BBOX1: variants seen among roughly 807,000 people sequenced by gnomAD.
The protein encoded by BBOX1 is gamma-butyrobetaine dioxygenase.
In BBOX1, 35 loss-of-function variants were observed where a neutral mutation model predicts 41.6. That is an observed-to-expected ratio of 0.84 (90% CI 0.64 to 1.11). The LOEUF is 1.11. Among genes scored for constraint, BBOX1 ranks in the 50% most tolerant of loss-of-function variants. The pLI, the probability that BBOX1 is intolerant of heterozygous loss-of-function variation, is 0.00. For missense variants in BBOX1, 458 were observed against 460.6 expected (o/e 0.99, Z 0.05); for synonymous variants, 163 against 154.7 (o/e 1.05, Z -0.40).
At chr11:27,050,647 T>C (rs1851642958) in intron 2 of BBOX1, among the ~76,000 whole-genome samples, 4 of 151,996 alleles carry the variant, frequency 2.6e-5, no homozygotes, top group Non-Finnish European at 4.4e-5. Context: ...AGAATGTTAG[T>C]TGTTATTATA....
intron 8 of BBOX1, among the ~76,000 whole-genome samples, chr11:27,126,470 T>G (rs981284829): frequency 6.6e-6 from 1 of 152,112 alleles, no homozygotes; most frequent in Admixed American, 6.5e-5. Flanking sequence ...TTAATGGCAG[T>G]GTAGTTTTGG....
At chr11:27,097,482 C>G (rs928931217) in intron 5 of BBOX1, among the ~76,000 whole-genome samples, 2 of 152,008 alleles carry the variant, frequency 1.3e-5, no homozygotes, top group African/African-American at 4.8e-5. Context: ...ACTAATAATA[C>G]GTGCATGGCA....
intron 2 of BBOX1, among the ~76,000 whole-genome samples, chr11:27,044,619 A>T (rs538601757): frequency 6.2e-4 from 95 of 152,298 alleles, no homozygotes; most frequent in Admixed American, 3.9e-4. Flanking sequence ...GATAAGGTGT[A>T]AGGAATGGAT....
At chr11:27,087,015 T>C (rs1043948517) in intron 4 of BBOX1, among the ~76,000 whole-genome samples, 1 of 152,038 alleles carries the variant, frequency 6.6e-6, no homozygotes, top group African/African-American at 2.4e-5. Context: ...ATAATAAAAC[T>C]TGAATGAATG....
chr11:27,099,802 C>T (rs1005081037), intron 5 of BBOX1, among the ~76,000 whole-genome samples: 1 of 152,068 alleles, frequency 6.6e-6, no homozygotes, highest in African/African-American at 2.4e-5. Flanking sequence ...GTTTTAATAC[C>T]TGCTATGTCC....
chr11:27,044,787 GTCTA>G (rs373052489), intron 2 of BBOX1, among the ~76,000 whole-genome samples: 7,633 of 151,930 alleles, frequency 0.05, 263 homozygotes, highest in Middle Eastern at 0.13. Context: ...TGTTCCATTG[GTCTA>G]TCTGTTTTTG....
chr11:27,060,133 G>C (rs1010372366), intron 4 of BBOX1, among the ~76,000 whole-genome samples: 2 of 152,122 alleles, frequency 1.3e-5, no homozygotes, highest in African/African-American at 4.8e-5. Context: ...TGTTGGAGGT[G>C]GGGCCTCGTG....
chr11:27,103,074 C>A (rs566600347), intron 5 of BBOX1, among the ~76,000 whole-genome samples: 1 of 152,138 alleles, frequency 6.6e-6, no homozygotes, highest in Admixed American at 6.5e-5. Context: ...CCTATAATTC[C>A]AGCTACTTGG....
intron 4 of BBOX1, among the ~76,000 whole-genome samples, chr11:27,059,932 C>T (rs1389936910): frequency 1.3e-5 from 2 of 152,230 alleles, no homozygotes; most frequent in Middle Eastern, 6.8e-3. Context: ...AGAGACTTAC[C>T]CTGTCTTAGA....
At chr11:27,122,120 T>A (rs1859485485) in intron 7 of BBOX1, among the ~76,000 whole-genome samples, 1 of 152,186 alleles carries the variant, frequency 6.6e-6, no homozygotes, top group Non-Finnish European at 1.5e-5. Context: ...TCTTTGTGGT[T>A]AAATCCTTAA....
chr11:27,106,473 A>C (rs912217755), intron 5 of BBOX1, among the ~76,000 whole-genome samples: 3 of 152,186 alleles, frequency 2.0e-5, no homozygotes, highest in Non-Finnish European at 4.4e-5. Context: ...TAAAACAGCA[A>C]AGATCAAAAG....
chr11:27,127,188 C>T, intron 8 of BBOX1, 105 bp from the exon 9 acceptor site: 1 of 1,230,028 alleles, frequency 8.1e-7, no homozygotes, highest in Non-Finnish European at 1.1e-6. Context: ...AGCGATGATT[C>T]TTGATGTGAA....
chr11:27,053,633 A>ATGTGAG (rs1856882571), intron 2 of BBOX1, among the ~76,000 whole-genome samples: 1 of 152,158 alleles, frequency 6.6e-6, no homozygotes, highest in South Asian at 2.1e-4. Context: ...GTCTTTTGAA[A>ATGTGAG]CAATGTATGT....
intron 4 of BBOX1, among the ~76,000 whole-genome samples, chr11:27,085,555 A>ATCTC (rs59696795): frequency 0.03 from 4,043 of 134,714 alleles, 87 homozygotes; most frequent in South Asian, 0.059. Context: ...ACATTCCCCC[A>ATCTC]TCTCTCTCTC....
intron 4 of BBOX1, among the ~76,000 whole-genome samples, chr11:27,077,097 G>C (rs1331097183): frequency 2.0e-5 from 3 of 152,072 alleles, no homozygotes; most frequent in Non-Finnish European, 4.4e-5. Flanking sequence ...TCTGGCCAAG[G>C]GTGTTTGTCT....
At position 27,102,269 on chromosome 11, in the gene BBOX1, A is replaced by C. The variant is rs149908457; in HGVS notation, c.533+8903A>C. 7.9e-4 allele frequency among the ~76,000 whole-genome samples: 121 copies of C among 152,230 alleles called. 1 individual carries two copies. In the East Asian group the frequency reaches 0.022, roughly 28 times the overall value. On this transcript the variant is annotated intron_variant, in intron 5 of 8. Transcript: ENST00000263182. ...CCATAAAATTTAGGAAAGCTGTTACATTTGGGGAGAAAAGTGAGGTTTGTG... is the reference window on the plus strand; with the variant it reads ...CCATAAAATTTAGGAAAGCTGTTACCTTTGGGGAGAAAAGTGAGGTTTGTG...
chr11:27,047,017 G>A (rs1014365256), intron 2 of BBOX1, among the ~76,000 whole-genome samples: 4 of 151,786 alleles, frequency 2.6e-5, no homozygotes, highest in African/African-American at 7.3e-5. Flanking sequence ...CCCTGCTTTT[G>A]TTTTGATTAC....
intron 4 of BBOX1, among the ~76,000 whole-genome samples, chr11:27,073,516 G>A (rs2133998598): frequency 6.8e-6 from 1 of 148,048 alleles, no homozygotes; most frequent in East Asian, 1.9e-4. Context: ...ATTCCTCAGG[G>A]ATCTAGAACT....
At position 27,124,588 on chromosome 11, in the gene BBOX1, G is replaced by A. The variant is rs991513194; in HGVS notation, c.837-1066G>A. On this transcript the variant is annotated intron_variant, in intron 7 of 8. Transcript: ENST00000263182. ...GCTGGAGTGTCGTGGTGCGATCTCCGCTCACTGCAACCTCTGCCACCTAGG... is the reference window on the plus strand; with the variant it reads ...GCTGGAGTGTCGTGGTGCGATCTCCACTCACTGCAACCTCTGCCACCTAGG... Among the ~76,000 whole-genome samples the A allele has an allele frequency of 2.0e-5, 3 of 152,136 alleles. No individual in the cohort carries two copies. The South Asian group carries it at 6.2e-4, about 32-fold the overall frequency.
Sources: allele counts gnomAD v4.1 joint callset (sites outside exome capture counted in the v4.1 genomes callset), GRCh38; gene constraint gnomAD v4.1.1; transcripts MANE v1.5; gene names NCBI Gene and HGNC (gene_info 2026-07-23, HGNC 2026-07-21).